Variants in ZNF48 observed in about 807,000 individuals in gnomAD.
ZNF48 encodes zinc finger protein 48.
In ZNF48, 20 loss-of-function variants were observed where a neutral mutation model predicts 40.0. The ratio of observed to expected loss-of-function variants is 0.50; its 90% CI spans 0.35 to 0.73. The LOEUF (loss-of-function observed/expected upper bound fraction) is 0.73, where lower values mean the gene tolerates loss of function less well. Ranked by LOEUF, ZNF48 falls within the 30% of genes least tolerant of loss-of-function variation. The pLI is 0.01. For missense variants in ZNF48, 726 were observed against 851.9 expected (o/e 0.85, Z 1.84); for synonymous variants, 298 against 329.7 (o/e 0.90, Z 1.04).
At position 30,397,437 on chromosome 16, in the gene ZNF48, G is replaced by A; in HGVS notation, c.187G>A (p.Gly63Arg). The A allele has an allele frequency of 1.2e-6, 2 of 1,614,124 alleles. No individual in the cohort carries two copies. The highest frequency in any genetic ancestry group is 1.7e-6 in the Non-Finnish European group (2 of 1,180,022). Residue 63 changes from glycine (G) to arginine (R), a missense_variant, in exon 3 of 3, where the codon GGA becomes AGA. Physicochemically the swap from Gly to Arg is moderately radical, Grantham distance 125. This residue lies in a region of ZNF48 where 151 missense variants were observed against 162.3 expected (regional missense o/e 0.93). Coordinates refer to ENST00000613509, the MANE Select transcript of ZNF48 (RefSeq NM_001214909.2). The surrounding 1 kb of genome is among the most constrained non-coding windows in gnomAD (Gnocchi z 4.1). Reference sequence around the variant, plus strand: ...AGATTTGGCTCCAGATCATGAAGTAGGAAATGCCTCTCTCAAACCTGAAGG... The same window carrying A: ...AGATTTGGCTCCAGATCATGAAGTAAGAAATGCCTCTCTCAAACCTGAAGG... Reference protein sequence around the residue: ...EEDLAPDHEVGNASLKPEGIQ... With the variant: ...EEDLAPDHEVRNASLKPEGIQ...
At chr16:30,393,278 T>C (rs1285033021), upstream of ZNF48, among the ~76,000 whole-genome samples, 1 of 151,290 alleles carries the variant, frequency 6.6e-6, no homozygotes, top group African/African-American at 2.4e-5. Flanking sequence ...GGTTTCACCA[T>C]GTTGGCCAGG....
upstream of ZNF48, among the ~76,000 whole-genome samples, chr16:30,393,988 G>A (rs2049960520): frequency 6.6e-6 from 1 of 151,814 alleles, no homozygotes; most frequent in African/African-American, 2.4e-5. Context: ...AAAGTGCTGG[G>A]ATTACAGGCA....
At position 30,381,613 on chromosome 16, in the gene ZNF48, G is replaced by T; in HGVS notation, c.-16+3203G>T. 6.9e-7 allele frequency: 1 copy of T among 1,452,386 alleles called. No individual in the cohort carries two copies. Among genetic ancestry groups the T allele is most frequent in the East Asian group, 2.3e-5 (1 of 43,926 alleles). The allele number at this position is 1,452,386 out of a possible 1,614,324, so 90.0% of individuals were successfully genotyped here. The stretch of plus-strand genomic sequence containing the variant: ...AAGGGGAACTGGTGGGGGCCTAGGT[G>T]AGTCATCAAGAAGCACAGGGACCCA... On this transcript the variant is annotated intron_variant, in intron 1 of 2. Coordinates refer to the ZNF48 transcript ENST00000528032. This position sits in a 1 kb window ranked among gnomAD's most constrained non-coding sequence, Gnocchi z 4.3.
Position 30,399,158 on chromosome 16 carries a change from C to A in ZNF48, c.*51C>A. 1.3e-6 allele frequency: 2 copies of A among 1,486,844 alleles called. No homozygotes were observed. The highest frequency in any genetic ancestry group is 9.0e-7 in the Non-Finnish European group (1 of 1,116,454). 92.1% of individuals were successfully genotyped at this position (1,486,844 alleles called of 1,614,324 possible). A position where few individuals can be genotyped will look rare whatever the true frequency, so the allele number is the denominator to read the frequency against. On this transcript the variant is annotated 3_prime_UTR_variant, in exon 3 of 3. Coordinates refer to ENST00000613509, the MANE Select transcript of ZNF48 (RefSeq NM_001214909.2). ...AGGAGACCAAAGGGAGGGGCTCTGC[C>A]GCTTAGCAGAGAAGAAAGGGCCTGG... is the stretch of plus-strand genomic sequence containing the variant.
Position 30,398,917 on chromosome 16 carries a change from C to T in ZNF48, c.1667C>T (p.Ser556Leu). The part of the protein sequence containing the change: ...GFCGKEFPRS[S>L]DLVKHRRTHT... ...TGTGGGAAGGAGTTCCCCCGGAGCTCAGATCTGGTCAAACACAGGCGTACA... is the reference window on the plus strand; with the variant it reads ...TGTGGGAAGGAGTTCCCCCGGAGCTTAGATCTGGTCAAACACAGGCGTACA... Residue 556 changes from serine to leucine, a missense_variant, in exon 3 of 3, where the codon TCA becomes TTA. By Grantham distance (145) the Ser-to-Leu change is moderately radical. Around this residue, in one of 5 missense-constraint regions of ZNF48, gnomAD observed 166 missense variants for 163.6 expected, o/e 1.01. Transcript: ENST00000613509. The surrounding 1 kb of genome is among the most constrained non-coding windows in gnomAD (Gnocchi z 6.6). The T allele has an allele frequency of 6.2e-7, 1 of 1,613,900 alleles. No homozygotes were observed. Among genetic ancestry groups the T allele is most frequent in the Non-Finnish European group, 8.5e-7 (1 of 1,179,864 alleles).
chr16:30,381,838 ATC>A lies in ZNF48; in HGVS notation c.-16+3432_-16+3433del. 6.2e-7 allele frequency: 1 copy of A among 1,613,934 alleles called. No homozygotes were observed. The highest frequency in any genetic ancestry group is 1.3e-5 in the African/African-American group (1 of 74,946). ...CTTCACTTTCACACCCCCTTCCTCA[ATC>A]TCTACGCCCCGGCGCTCAATGGCCA... On this transcript the variant is annotated intron_variant, in intron 1 of 2. Transcript: ENST00000528032. The surrounding 1 kb of genome is among the most constrained non-coding windows in gnomAD (Gnocchi z 4.3).
upstream of ZNF48, among the ~76,000 whole-genome samples, chr16:30,392,720 G>T (rs1302904952): frequency 6.6e-6 from 1 of 152,140 alleles, no homozygotes; most frequent in Admixed American, 6.6e-5. Context: ...CAAAGGCCAA[G>T]AACCACACTC....
chr16:30,391,444 T>A (rs893286453), upstream of ZNF48, among the ~76,000 whole-genome samples: 2 of 151,882 alleles, frequency 1.3e-5, no homozygotes, highest in Admixed American at 6.6e-5. Flanking sequence ...CGCCTCAGCC[T>A]ACCAAAGTGC....
At chr16:30,394,071 C>T (rs538201512), upstream of ZNF48, among the ~76,000 whole-genome samples, 39 of 151,770 alleles carry the variant, frequency 2.6e-4, no homozygotes, top group Non-Finnish European at 4.9e-4. Context: ...CGCTCTGTTG[C>T]CCAGCATGGA....
At chr16:30,386,178 T>C (rs1410994946) in intron 1 of ZNF48, among the ~76,000 whole-genome samples, 3 of 150,084 alleles carry the variant, frequency 2.0e-5, no homozygotes, top group African/African-American at 2.5e-5. Flanking sequence ...AGTTGGGAGG[T>C]TGAGGCAGGA....
intron 1 of ZNF48, among the ~76,000 whole-genome samples, chr16:30,385,176 A>AAATAATAATAAT: frequency 7.1e-6 from 1 of 140,900 alleles, no homozygotes; most frequent in African/African-American, 2.7e-5. Flanking sequence ...ACTCTTTCTC[A>AAATAATAATAAT]AATAATAATA....
chr16:30,389,754 A>G (rs1186217412), intron 1 of ZNF48, among the ~76,000 whole-genome samples: 2 of 138,748 alleles, frequency 1.4e-5, no homozygotes, highest in African/African-American at 2.6e-5. Flanking sequence ...TGAGTTTCAT[A>G]TAGGGCAGTG....
Position 30,398,447 on chromosome 16 carries a change from C to T in ZNF48, c.1197C>T (p.Pro399=), listed in dbSNP as rs2151119089. The change falls in exon 3 of 3, where the codon CCC becomes CCT. Residue 399 remains proline (P), a synonymous_variant. Coordinates refer to ENST00000613509, the MANE Select transcript of ZNF48 (RefSeq NM_001214909.2). The surrounding 1 kb of genome is among the most constrained non-coding windows in gnomAD (Gnocchi z 6.6). ...GCTATCCCCTACCCGCTCTGATCCC[C>T]AGCCCACCCCCACCTCCTCTGGGCA... ...FPGYPLPALI[P]SPPPPPLGTS... is the part of the protein sequence containing the mutation. The T allele has an allele frequency of 1.3e-6, 2 of 1,593,446 alleles. No homozygotes were observed. Among genetic ancestry groups the T allele is most frequent in the Non-Finnish European group, 1.7e-6 (2 of 1,167,586 alleles).
chr16:30,395,543 G>A lies in ZNF48; in HGVS notation c.-51G>A, dbSNP rs910867666. On this transcript the variant is annotated 5_prime_UTR_variant, in exon 1 of 3. Coordinates refer to ENST00000613509, the MANE Select transcript of ZNF48 (RefSeq NM_001214909.2). The surrounding 1 kb of genome is among the most constrained non-coding windows in gnomAD (Gnocchi z 5.9). ...TGCACCCCGCTGAGGAGCTCCGGAGGGCGCCGGGGTGGCGGAGCCGGAGGC... is the reference window on the plus strand; with the variant it reads ...TGCACCCCGCTGAGGAGCTCCGGAGAGCGCCGGGGTGGCGGAGCCGGAGGC... 4.0e-5 allele frequency: 9 copies of A among 223,946 alleles called. No individual in the cohort carries two copies. Among genetic ancestry groups the A allele is most frequent in the Non-Finnish European group, 7.8e-5 (9 of 115,312 alleles). 13.9% of individuals were successfully genotyped at this position (223,946 alleles called of 1,614,324 possible).
In ZNF48 at chr16:30,395,976, G is replaced by C. The variant is rs2049981563; in HGVS notation, c.79+103G>C. ...GATCCTGGAAGATCGGACGTGAGCT[G>C]TGCCTCTGGGGAGATAGGGGGAGGG... On this transcript the variant is annotated intron_variant, in intron 2 of 2. Coordinates refer to ENST00000613509, the MANE Select transcript of ZNF48 (RefSeq NM_001214909.2). This position sits in a 1 kb window ranked among gnomAD's most constrained non-coding sequence, Gnocchi z 5.9. The C allele has an allele frequency of 2.4e-6, 3 of 1,255,820 alleles. No individual in the cohort carries two copies. Among genetic ancestry groups the C allele is most frequent in the Non-Finnish European group, 2.1e-6 (2 of 949,478 alleles). 77.8% of individuals were successfully genotyped at this position (1,255,820 alleles called of 1,614,324 possible).
In ZNF48 at chr16:30,382,118, C is replaced by T. The variant is rs776011991; in HGVS notation, c.-16+3708C>T. ...CACTGGCCTCTGGCACCTGGCGATC[C>T]TCATAGAGGTTGGTGAGGAAGAGGC... On this transcript the variant is annotated intron_variant, in intron 1 of 2. Transcript: ENST00000528032. The surrounding 1 kb of genome is among the most constrained non-coding windows in gnomAD (Gnocchi z 4.8). The T allele has an allele frequency of 2.5e-6, 4 of 1,585,536 alleles. No homozygotes were observed. In the South Asian group the frequency reaches 4.5e-5, roughly 18 times the overall value.
In ZNF48 at chr16:30,399,006, C is replaced by T. The variant is rs1407329915; in HGVS notation, c.1756C>T (p.Arg586Cys). Reference sequence around the variant, plus strand: ...CAAGGGTTTTGGTGACAGTTCTGCCCGCATCAAGCACCAGCGTGGGCACCT... The same window carrying T: ...CAAGGGTTTTGGTGACAGTTCTGCCTGCATCAAGCACCAGCGTGGGCACCT... ...CGKGFGDSSA[R>C]IKHQRGHLVL... The change falls in exon 3 of 3, where the codon CGC (arginine) becomes TGC (cysteine). Residue 586 changes from arginine (R) to cysteine (C), a missense_variant. Physicochemically the swap from Arg to Cys is radical, Grantham distance 180. Around this residue, in one of 5 missense-constraint regions of ZNF48, gnomAD observed 166 missense variants for 163.6 expected, o/e 1.01. Transcript: ENST00000613509. 2.5e-6 allele frequency: 4 copies of T among 1,613,954 alleles called. No individual in the cohort carries two copies. The highest frequency in any genetic ancestry group is 1.7e-5 in the Admixed American group (1 of 59,996).
chr16:30,380,146 C>T, intron 1 of ZNF48: 1 of 780,124 alleles, frequency 1.3e-6, no homozygotes. Context: ...GAGAGAAAGA[C>T]ATGAAAGACA....
rs1027910128 is a variant in ZNF48 at position 30,398,490 on chromosome 16, C to G, written c.1240C>G (p.Pro414Ala). ...TCTGGGCACCAGCCCCCCGCTGACA[C>G]CTCGAAGTCCCTCACACTCGGGTGA... ...PPLGTSPPLT[P>A]RSPSHSGEPF... Residue 414 changes from proline to alanine, a missense_variant, in exon 3 of 3, where the codon CCT (proline) becomes GCT (alanine). Physicochemically the swap from Pro to Ala is conservative, Grantham distance 27 (BLOSUM62 -1). This residue lies in a region of ZNF48 where 378 missense variants were observed against 449.1 expected (regional missense o/e 0.84). Transcript: ENST00000613509. The surrounding 1 kb of genome is among the most constrained non-coding windows in gnomAD (Gnocchi z 6.6). 6.3e-7 allele frequency: 1 copy of G among 1,587,510 alleles called. No individual in the cohort carries two copies. The highest frequency in any genetic ancestry group is 1.3e-5 in the African/African-American group (1 of 74,386).
Sources: allele counts gnomAD v4.1 joint callset (sites outside exome capture counted in the v4.1 genomes callset), GRCh38; gene constraint gnomAD v4.1.1; regional missense constraint gnomAD v4.1.1; non-coding constraint Gnocchi (gnomAD v3.1); transcripts MANE v1.5; gene names NCBI Gene and HGNC (gene_info 2026-07-23, HGNC 2026-07-21).